The following TENT2 variants were observed in gnomAD, a reference collection of about 807,000 sequenced individuals.
TENT2 encodes poly(A) RNA polymerase GLD2.
TENT2 carries 44 observed loss-of-function variants against 72.2 expected under a neutral mutation model. That is an observed-to-expected ratio of 0.61 (90% CI 0.48 to 0.78). The LOEUF (loss-of-function observed/expected upper bound fraction) is 0.78. Among genes scored for constraint, TENT2 ranks in the 30% least tolerant of loss-of-function variants. The probability of loss-of-function intolerance (pLI) is 0.00; values close to 1 mark genes in which losing one functional copy is unlikely to be tolerated. For synonymous variants in TENT2, 212 were observed against 192.5 expected, an observed-to-expected ratio of 1.10 and a Z score of -0.84; for missense variants, 541 against 569.6, an observed-to-expected ratio of 0.95 and a Z score of 0.51.
intron 10 of TENT2, among the ~76,000 whole-genome samples, chr5:79,653,146 G>A (rs562185652): frequency 5.3e-5 from 8 of 152,098 alleles, no homozygotes; most frequent in Non-Finnish European, 7.4e-5. Flanking sequence ...AAAAATGTAC[G>A]TAAATCACAG....
At chr5:79,614,549 A>G (rs182898577) in intron 1 of TENT2, among the ~76,000 whole-genome samples, 12 of 152,358 alleles carry the variant, frequency 7.9e-5, no homozygotes, top group Non-Finnish European at 1.6e-4. Context: ...TGTGGAACTG[A>G]TAACTTTTAA....
Position 79,682,066 on chromosome 5 carries a change from A to G in TENT2, c.1380+5A>G. ...ATCAAGGATCAATTTTTAAAGGTAA[A>G]CAATGCATTAGATCAACCCTAGAAA... On this transcript the variant is annotated splice_donor_5th_base_variant and intron_variant, in intron 14 of 14. Coordinates refer to ENST00000453514, the MANE Select transcript of TENT2 (RefSeq NM_001114394.3). The G allele has an allele frequency of 6.2e-7, 1 of 1,603,634 alleles. No individual in the cohort carries two copies. Among genetic ancestry groups the G allele is most frequent in the East Asian group, 2.2e-5 (1 of 44,726 alleles).
intron 12 of TENT2, among the ~76,000 whole-genome samples, chr5:79,678,088 C>T (rs1387632232): frequency 6.6e-6 from 1 of 152,180 alleles, no homozygotes; most frequent in Non-Finnish European, 1.5e-5. Context: ...ATACTATTTC[C>T]ATTTGACAAC....
At position 79,681,990 on chromosome 5, in the gene TENT2, G is replaced by C; in HGVS notation, c.1309G>C (p.Asp437His). Residue 437 changes from aspartate to histidine, a missense_variant, in exon 14 of 15, where the codon GAT (aspartate) becomes CAT (histidine). Asp to His is a moderately conservative substitution (Grantham distance 81). Transcript: ENST00000453514. ...NKYICVEEPF[D>H]GTNTARAVHE... Reference sequence around the variant, plus strand: ...TGCATTTAACATTGCAGAACCTTTTGATGGAACAAATACAGCCAGAGCAGT... The same window carrying C: ...TGCATTTAACATTGCAGAACCTTTTCATGGAACAAATACAGCCAGAGCAGT... 1.9e-6 allele frequency: 3 copies of C among 1,611,740 alleles called. No individual in the cohort carries two copies. The highest frequency in any genetic ancestry group is 2.5e-6 in the Non-Finnish European group (3 of 1,179,134).
chr5:79,642,664 CTT>C (rs1162310535), intron 6 of TENT2, among the ~76,000 whole-genome samples, 166 bp from the exon 7 acceptor site: 4 of 151,930 alleles, frequency 2.6e-5, no homozygotes, highest in Non-Finnish European at 5.9e-5. Context: ...TAAAGGTTGA[CTT>C]TTTCTGTTAT....
intron 9 of TENT2, 56 bp downstream of exon 9, chr5:79,648,749 A>G (rs1449246569): frequency 7.5e-7 from 1 of 1,336,542 alleles, no homozygotes; most frequent in African/African-American, 1.5e-5. Context: ...TTCATTTTTA[A>G]AGATGTTTGG....
intron 4 of TENT2, among the ~76,000 whole-genome samples, chr5:79,626,033 T>C (rs532320592): frequency 1.7e-3 from 262 of 152,124 alleles, no homozygotes; most frequent in African/African-American, 6.2e-3. Flanking sequence ...TTCACCATGT[T>C]GGTCAGGCTG....
intron 12 of TENT2, among the ~76,000 whole-genome samples, chr5:79,677,998 G>A (rs1818592154): frequency 6.6e-6 from 1 of 152,142 alleles, no homozygotes. Context: ...TGAAACAATA[G>A]AGCAGAGTAG....
intron 11 of TENT2, among the ~76,000 whole-genome samples, chr5:79,659,050 A>G (rs917883725): frequency 2.0e-5 from 3 of 152,164 alleles, no homozygotes; most frequent in Non-Finnish European, 4.4e-5. Flanking sequence ...GCATTTACAT[A>G]TGGTTACATT....
chr5:79,660,875 G>A (rs561999799), intron 11 of TENT2, among the ~76,000 whole-genome samples: 1 of 152,254 alleles, frequency 6.6e-6, no homozygotes, highest in Non-Finnish European at 1.5e-5. Context: ...TGTCCCCAAA[G>A]ATCTTCCAGT....
intron 12 of TENT2, among the ~76,000 whole-genome samples, chr5:79,675,326 G>A (rs373471554): frequency 2.6e-5 from 4 of 152,326 alleles, no homozygotes; most frequent in African/African-American, 9.6e-5. Flanking sequence ...GGTAAATGTA[G>A]CTGAATCAGT....
chr5:79,674,956 C>T (rs1201952485), intron 12 of TENT2, among the ~76,000 whole-genome samples: 1 of 152,082 alleles, frequency 6.6e-6, no homozygotes, highest in African/African-American at 2.4e-5. Context: ...TATATGGACT[C>T]CTCTGGACCC....
rs770001033 is a variant in TENT2 at position 79,649,034 on chromosome 5, C to A, written c.899-28C>A. ...TTCAAAGAAACTATAACGTCTCTTACCATGTTAAGTTTTAATTTTACTTTC... is the reference window on the plus strand; with the variant it reads ...TTCAAAGAAACTATAACGTCTCTTAACATGTTAAGTTTTAATTTTACTTTC... On this transcript the variant is annotated intron_variant, in intron 9 of 14. Transcript: ENST00000453514. The A allele has an allele frequency of 4.4e-6, 7 of 1,607,610 alleles. 1 individual carries two copies. The highest frequency in any genetic ancestry group is 3.3e-4 in the Middle Eastern group (2 of 6,056).
At chr5:79,645,943 T>C (rs770757591) in intron 8 of TENT2, among the ~76,000 whole-genome samples, 12 of 152,178 alleles carry the variant, frequency 7.9e-5, no homozygotes, top group Non-Finnish European at 1.6e-4. Context: ...CCTACATGAA[T>C]ATTCATACGC....
chr5:79,647,468 A>T (rs1293489959), intron 8 of TENT2, among the ~76,000 whole-genome samples: 1 of 152,204 alleles, frequency 6.6e-6, no homozygotes, highest in Non-Finnish European at 1.5e-5. Context: ...AATTACACAA[A>T]CACAAAGAAT....
chr5:79,647,567 T>G (rs1790133809), intron 8 of TENT2, among the ~76,000 whole-genome samples: 1 of 152,170 alleles, frequency 6.6e-6, no homozygotes, highest in African/African-American at 2.4e-5. Flanking sequence ...TTAATATGCA[T>G]GGATAATGGA....
chr5:79,670,190 G>A (rs1811825717), intron 12 of TENT2, among the ~76,000 whole-genome samples: 1 of 149,744 alleles, frequency 6.7e-6, no homozygotes, highest in Admixed American at 6.7e-5. Flanking sequence ...TTGCACTCCA[G>A]CCTGGGCAAC....
intron 10 of TENT2, among the ~76,000 whole-genome samples, chr5:79,650,940 T>C (rs753441558): frequency 2.0e-5 from 3 of 152,094 alleles, no homozygotes; most frequent in Admixed American, 1.3e-4. Flanking sequence ...AGATTGGTTG[T>C]CAGGAATTCT....
Position 79,641,192 on chromosome 5 carries a change from A to T in TENT2, c.668A>T (p.Glu223Val). ...DGDLCLVVKE[E>V]PCFFQVNQKT... ...GATTTATGCCTAGTTGTTAAGGAAG[A>T]ACCAGTAAGTAAGGAAACATTTATT... The change falls in exon 6 of 15, where the codon GAA becomes GTA. Residue 223 changes from glutamate (E) to valine (V), a missense_variant. Physicochemically the swap from Glu to Val is moderately radical, Grantham distance 121. Coordinates refer to ENST00000453514, the MANE Select transcript of TENT2 (RefSeq NM_001114394.3). 1 of 1,555,802 alleles carries T rather than the reference A, an allele frequency of 6.4e-7. No individual in the cohort carries two copies. The highest frequency in any genetic ancestry group is 2.4e-5 in the East Asian group (1 of 42,440).
Sources: allele counts gnomAD v4.1 joint callset (sites outside exome capture counted in the v4.1 genomes callset), GRCh38; gene constraint gnomAD v4.1.1; transcripts MANE v1.5; gene names NCBI Gene and HGNC (gene_info 2026-07-23, HGNC 2026-07-21).